PDE1C: variants seen among roughly 807,000 people sequenced by gnomAD.
PDE1C encodes dual specificity calcium/calmodulin-dependent 3',5'-cyclic nucleotide phosphodiesterase 1C.
In PDE1C, 62 loss-of-function variants were observed where a neutral mutation model predicts 93.1. That is an observed-to-expected ratio of 0.67 (90% CI 0.54 to 0.82). The LOEUF is 0.82. Among genes scored for constraint, PDE1C ranks in the 40% least tolerant of loss-of-function variants. The pLI is 0.00. For missense variants in PDE1C, 742 were observed against 884.6 expected (o/e 0.84, Z 2.04); for synonymous variants, 325 against 310.1 (o/e 1.05, Z -0.50).
chr7:31,642,068 G>A, the PDE1C span: 12 of 591,664 alleles, frequency 2.0e-5, no homozygotes, highest in Non-Finnish European at 3.4e-5. Flanking sequence ...CACACAGTGG[G>A]CATTTCTGCA....
At chr7:32,246,427 G>A (rs1808962537) in intron 1 of PDE1C, among the ~76,000 whole-genome samples, 1 of 137,250 alleles carries the variant, frequency 7.3e-6, no homozygotes, top group East Asian at 2.1e-4. Context: ...AAGCCAACTA[G>A]GTAATTTCAA....
At chr7:31,793,681 T>C (rs1784840553) in intron 16 of PDE1C, among the ~76,000 whole-genome samples, 1 of 151,450 alleles carries the variant, frequency 6.6e-6, no homozygotes, top group Non-Finnish European at 1.5e-5. Flanking sequence ...TCCTCGTTTT[T>C]TTTTTTTTTA....
At chr7:32,298,886 A>G in exon 1 of PDE1C, 2 of 1,372,752 alleles carry the variant, frequency 1.5e-6, no homozygotes, top group Non-Finnish European at 1.9e-6. Flanking sequence ...CTGGCAGCTG[A>G]GCGCCTGGAG....
intron 1 of PDE1C, among the ~76,000 whole-genome samples, chr7:32,334,313 T>C (rs1298337328): frequency 1.3e-5 from 2 of 152,232 alleles, no homozygotes; most frequent in African/African-American, 4.8e-5. Context: ...TTCTGAACTA[T>C]ATTTTTTAAC....
At chr7:31,870,966 G>A (rs6947807) in intron 6 of PDE1C, among the ~76,000 whole-genome samples, 150,805 of 151,238 alleles carry the variant, frequency 1, 75,188 homozygotes, top group Non-Finnish European at 1. Context: ...ATACTTTTAT[G>A]CTAATAGTAT....
the PDE1C span, among the ~76,000 whole-genome samples, chr7:31,682,999 A>C: frequency 6.6e-6 from 1 of 152,234 alleles, no homozygotes; most frequent in African/African-American, 2.4e-5. Context: ...GGGTAAAGGG[A>C]AGGGGCATGG....
intron 1 of PDE1C, among the ~76,000 whole-genome samples, chr7:32,231,501 AAAGAAATT>A (rs1430681624): frequency 6.6e-6 from 1 of 152,220 alleles, no homozygotes; most frequent in East Asian, 1.9e-4. Flanking sequence ...TTATACCACT[AAAGAAATT>A]AAATCTGTAA....
rs767784069 is a variant in PDE1C, at chr7:32,370,726, TG to T, written c.310+57095del. Among the ~76,000 whole-genome samples the T allele has an allele frequency of 3.9e-5, 6 of 152,142 alleles. No individual in the cohort carries two copies. In the East Asian group the frequency reaches 9.7e-4, roughly 25 times the overall value. ...GGGTGCAGCACACCAACATGGCACA[TG>T]TATACATATGTAACAAACCTGCACG... On this transcript the variant is annotated intron_variant, in intron 1 of 1. Transcript: ENST00000672256.
At chr7:31,739,308 A>G in the PDE1C span, among the ~76,000 whole-genome samples, 1 of 152,116 alleles carries the variant, frequency 6.6e-6, no homozygotes, top group South Asian at 2.1e-4. Context: ...TCACTCAGGC[A>G]TCAGCCAGTT....
intron 1 of PDE1C, among the ~76,000 whole-genome samples, chr7:32,374,291 G>T (rs1056913442): frequency 1.3e-5 from 2 of 149,156 alleles, no homozygotes; most frequent in Non-Finnish European, 2.9e-5. Flanking sequence ...AAGAAAGAAA[G>T]AAAGAAAGAA....
intron 3 of PDE1C, among the ~76,000 whole-genome samples, chr7:32,158,045 C>T (rs770579096): frequency 2.0e-5 from 3 of 152,052 alleles, no homozygotes; most frequent in Non-Finnish European, 4.4e-5. Context: ...ATTAGCAGAA[C>T]GTTGCACAAA....
chr7:31,959,118 G>T (rs748211367), intron 2 of PDE1C, among the ~76,000 whole-genome samples: 17 of 152,100 alleles, frequency 1.1e-4, no homozygotes, highest in Admixed American at 1.3e-4. Flanking sequence ...CTAGTTTTAT[G>T]ATTTATATGT....
chr7:32,415,857 A>G (rs1436772343), intron 1 of PDE1C, among the ~76,000 whole-genome samples: 3 of 152,238 alleles, frequency 2.0e-5, no homozygotes, highest in Non-Finnish European at 4.4e-5. Flanking sequence ...TGAAGGGTAA[A>G]TAAAATCCCT....
Position 32,129,147 on chromosome 7 carries a change from T to C in PDE1C, c.308+40638A>G, listed in dbSNP as rs372064893. 4.6e-5 allele frequency among the ~76,000 whole-genome samples: 7 copies of C among 151,234 alleles called. No homozygotes were observed. In the South Asian group the frequency reaches 1.0e-3, roughly 23 times the overall value. ...CCTCTTATACCTTGAAAAAACAGAA[T>C]TGACATAAAATATCACTGTCAAGAC... is the stretch of plus-strand genomic sequence containing the variant. On this transcript the variant is annotated intron_variant, in intron 3 of 18. Transcript: ENST00000396193.
At chr7:32,386,223 C>T (rs1330421450) in intron 1 of PDE1C, among the ~76,000 whole-genome samples, 1 of 127,304 alleles carries the variant, frequency 7.9e-6, no homozygotes, top group East Asian at 2.3e-4. Context: ...AAAATATATG[C>T]ACTATAGGGC....
chr7:32,042,352 T>C (rs192670275), intron 2 of PDE1C, among the ~76,000 whole-genome samples: 117 of 152,234 alleles, frequency 7.7e-4, no homozygotes, highest in Middle Eastern at 3.4e-3. Flanking sequence ...GCCAAAGGGA[T>C]AGAAAGAACT....
At chr7:32,088,359 G>C (rs1475510416) in intron 3 of PDE1C, among the ~76,000 whole-genome samples, 1 of 152,186 alleles carries the variant, frequency 6.6e-6, no homozygotes, top group East Asian at 1.9e-4. Flanking sequence ...ACACTTGAAG[G>C]CATGATTCTG....
At chr7:32,025,594 G>C (rs1341642616) in intron 2 of PDE1C, among the ~76,000 whole-genome samples, 1 of 152,122 alleles carries the variant, frequency 6.6e-6, no homozygotes, top group Non-Finnish European at 1.5e-5. Context: ...GAGAGCAGCA[G>C]CTCTGAGCAA....
the PDE1C span, among the ~76,000 whole-genome samples, chr7:31,677,047 A>G: frequency 1.7e-3 from 252 of 152,320 alleles, 1 homozygote; most frequent in Admixed American, 4.1e-3. Flanking sequence ...TATAAATTTG[A>G]AAACGTAAAT....
Sources: gnomAD v4.1 joint callset for allele counts (sites outside exome capture counted in the v4.1 genomes callset) on GRCh38, gnomAD v4.1.1 for gene constraint, MANE v1.5 for transcripts, NCBI Gene and HGNC (gene_info 2026-07-23, HGNC 2026-07-21) for gene names.